RADX: variants seen among roughly 807,000 people sequenced by gnomAD.
RADX encodes the protein RPA1 related single stranded DNA binding protein, X-linked.
A neutral mutation model predicts 61.6 loss-of-function variants in RADX; 36 were observed. That is an observed-to-expected ratio of 0.58 (90% CI 0.45 to 0.77). The LOEUF is 0.77. RADX is among the 30% of genes least tolerant of loss of function. RADX has a pLI of 0.00. For missense variants in RADX, 497 were observed against 651.1 expected, an observed-to-expected ratio of 0.76 and a Z score of 2.58; for synonymous variants, 272 against 237.9, an observed-to-expected ratio of 1.14 and a Z score of -1.32.
At chrX:106,662,391 C>T in intron 12 of RADX, 86 bp downstream of exon 12, 4 of 889,181 alleles carry the variant, frequency 4.5e-6, no homozygotes, top group Non-Finnish European at 6.1e-6. Context: ...TAAGCCCCTC[C>T]CACAAAAACA....
Position 106,632,674 on chromosome X carries a change from A to G in RADX, c.1029A>G (p.Pro343=). 1 of 1,205,186 alleles carries G rather than the reference A, an allele frequency of 8.3e-7. No individual in the cohort carries two copies. The highest frequency in any genetic ancestry group is 1.1e-6 in the Non-Finnish European group (1 of 891,036). ...CCCCAACAAATATAATTATCATTCC[A>G]GAAAAGCAGGTGAAACCAGAATGGA... is the stretch of plus-strand genomic sequence containing the variant. The part of the protein sequence containing the change: ...RDPPTNIIII[P]EKQVKPEWRL... The change falls in exon 4 of 14, where the codon CCA becomes CCG. Residue 343 remains proline, a synonymous_variant. Coordinates refer to ENST00000372548, the MANE Select transcript of RADX (RefSeq NM_018015.6).
In RADX at chrX:106,662,269, G is replaced by A. The variant is rs777354939; in HGVS notation, c.2233G>A (p.Ala745Thr). Reference sequence around the variant, plus strand: ...CCCAAAACTTGATGATTTTAAGAGCGCCCGAAGCCTTGGACATTTTGAAGT... The same window carrying A: ...CCCAAAACTTGATGATTTTAAGAGCACCCGAAGCCTTGGACATTTTGAAGT... ...RPPKLDDFKSARSLGHFEVTI... is the reference protein window; with the variant it reads ...RPPKLDDFKSTRSLGHFEVTI... The change falls in exon 12 of 14, where the codon GCC becomes ACC. Residue 745 changes from alanine (A) to threonine (T), a missense_variant. This residue lies in a region of RADX where 267 missense variants were observed against 306.9 expected (regional missense o/e 0.87). Coordinates refer to ENST00000372548, the MANE Select transcript of RADX (RefSeq NM_018015.6). 5.0e-6 allele frequency: 6 copies of A among 1,207,253 alleles called. No homozygotes were observed. The highest frequency in any genetic ancestry group is 1.8e-5 in the South Asian group (1 of 56,459).
intron 2 of RADX, among the ~76,000 whole-genome samples, chrX:106,623,321 T>C (rs978202124): frequency 3.6e-5 from 4 of 111,984 alleles, no homozygotes; most frequent in Non-Finnish European, 5.6e-5. Context: ...TTCTCTATTG[T>C]CTTGACTCTC....
chrX:106,639,547 A>C lies in RADX; in HGVS notation c.1594A>C (p.Ile532Leu). 2 of 1,198,925 alleles carry C rather than the reference A, an allele frequency of 1.7e-6. No homozygotes were observed. Among genetic ancestry groups the C allele is most frequent in the East Asian group, 6.0e-5 (2 of 33,220 alleles). The change falls in exon 9 of 14, where the codon ATA becomes CTA. Residue 532 changes from isoleucine to leucine, a missense_variant. Around this residue, in one of 3 missense-constraint regions of RADX, gnomAD observed 267 missense variants for 306.9 expected, o/e 0.87. Coordinates refer to ENST00000372548, the MANE Select transcript of RADX (RefSeq NM_018015.6). ...SIKVESLLTA[I>L]SEVRKEIEDL... Reference sequence around the variant, plus strand: ...TGCAGTTGAGTCGCTCTTGACAGCTATAAGTGAAGTCAGGAAGGAGATTGA... The same window carrying C: ...TGCAGTTGAGTCGCTCTTGACAGCTCTAAGTGAAGTCAGGAAGGAGATTGA...
At chrX:106,621,867 A>G (rs148742040) in intron 1 of RADX, among the ~76,000 whole-genome samples, 6 of 110,082 alleles carry the variant, frequency 5.5e-5, no homozygotes, top group African/African-American at 1.6e-4. Context: ...GATAGAATTT[A>G]TACATATGAA....
At chrX:106,642,096 A>T (rs377611723) in intron 10 of RADX, among the ~76,000 whole-genome samples, 71 of 110,925 alleles carry the variant, frequency 6.4e-4, no homozygotes, top group South Asian at 2.7e-3. Context: ...TTTATTTTTT[A>T]AAATTGTTTA....
intron 10 of RADX, among the ~76,000 whole-genome samples, chrX:106,646,130 G>A (rs1173188111): frequency 9.1e-6 from 1 of 110,138 alleles, no homozygotes; most frequent in Admixed American, 9.7e-5. Flanking sequence ...CTACTCCTAC[G>A]GTTTTTTGGT....
intron 13 of RADX, among the ~76,000 whole-genome samples, chrX:106,676,412 TG>T (rs912075177): frequency 1.6e-4 from 18 of 111,911 alleles, no homozygotes; most frequent in African/African-American, 5.8e-4. Flanking sequence ...AGTATACCCT[TG>T]GGGTCCCACA....
intron 10 of RADX, among the ~76,000 whole-genome samples, chrX:106,645,801 C>A (rs748702862): frequency 9.0e-6 from 1 of 111,180 alleles, no homozygotes; most frequent in African/African-American, 3.3e-5. Flanking sequence ...TCCAATATTT[C>A]TTTGTTGATT....
chrX:106,630,146 G>A (rs1242581010), intron 3 of RADX, among the ~76,000 whole-genome samples: 1 of 110,580 alleles, frequency 9.0e-6, no homozygotes, highest in Non-Finnish European at 1.9e-5. Context: ...AACATAGTAA[G>A]ACCCTGTCTC....
At position 106,655,194 on chromosome X, in the gene RADX, G is replaced by A. The variant is rs1603053839; in HGVS notation, c.1978+6808G>A. Reference sequence around the variant, plus strand: ...GTACATACCTGAATTTAAAAATACTGTATTGCTAATAAATGCTAACCATCA... The same window carrying A: ...GTACATACCTGAATTTAAAAATACTATATTGCTAATAAATGCTAACCATCA... On this transcript the variant is annotated intron_variant, in intron 11 of 13. Transcript: ENST00000372548. 4.5e-5 allele frequency among the ~76,000 whole-genome samples: 5 copies of A among 111,096 alleles called. No homozygotes were observed. In the Admixed American group the frequency reaches 4.8e-4, roughly 11 times the overall value.
intron 11 of RADX, among the ~76,000 whole-genome samples, chrX:106,650,704 T>C (rs1035336785): frequency 9.0e-6 from 1 of 111,220 alleles, no homozygotes; most frequent in Non-Finnish European, 1.9e-5. Flanking sequence ...AGCCACCACA[T>C]CCAGCTCTAA....
At chrX:106,651,678 CATT>C (rs1166039391) in intron 11 of RADX, among the ~76,000 whole-genome samples, 1 of 111,122 alleles carries the variant, frequency 9.0e-6, no homozygotes, top group Non-Finnish European at 1.9e-5. Context: ...ATTCTAAGAT[CATT>C]GTATCTTTAT....
At chrX:106,671,165 C>T (rs1603064069) in intron 13 of RADX, among the ~76,000 whole-genome samples, 1 of 111,728 alleles carries the variant, frequency 9.0e-6, no homozygotes, top group Non-Finnish European at 1.9e-5. Context: ...TATTCTATTG[C>T]TCTCTCTCTT....
intron 13 of RADX, among the ~76,000 whole-genome samples, chrX:106,675,014 CTCCA>C (rs1462349251): frequency 7.0e-5 from 7 of 99,845 alleles, no homozygotes; most frequent in Admixed American, 6.2e-4. Flanking sequence ...CAGAGCGAGA[CTCCA>C]TCTCAAAAAA....
At chrX:106,654,313 G>T (rs1927878275) in intron 11 of RADX, among the ~76,000 whole-genome samples, 1 of 110,722 alleles carries the variant, frequency 9.0e-6, no homozygotes, top group African/African-American at 3.3e-5. Flanking sequence ...TCATATGTTT[G>T]TTGGCTGCAT....
At chrX:106,636,775 T>A (rs890534949) in intron 7 of RADX, 128 bp downstream of exon 7, 22 of 341,044 alleles carry the variant, frequency 6.5e-5, no homozygotes, top group Non-Finnish European at 9.9e-5. Context: ...CCTTTATTAC[T>A]ATAAGAGTGT....
intron 11 of RADX, among the ~76,000 whole-genome samples, chrX:106,660,535 A>T (rs1205801907): frequency 8.9e-6 from 1 of 112,298 alleles, no homozygotes; most frequent in Non-Finnish European, 1.9e-5. Context: ...CTTCTGCCTC[A>T]GCAAGGTTTT....
At chrX:106,616,765 A>G (rs1210326664) in intron 1 of RADX, among the ~76,000 whole-genome samples, 5 of 110,721 alleles carry the variant, frequency 4.5e-5, no homozygotes, top group Non-Finnish European at 5.7e-5. Flanking sequence ...GACAAAGCTG[A>G]TTTAAACAAC....
Sources: allele counts gnomAD v4.1 joint callset (sites outside exome capture counted in the v4.1 genomes callset), GRCh38; gene constraint gnomAD v4.1.1; regional missense constraint gnomAD v4.1.1; transcripts MANE v1.5; gene names NCBI Gene and HGNC (gene_info 2026-07-23, HGNC 2026-07-21).